CSMD1: variants seen among roughly 807,000 people sequenced by gnomAD.
CSMD1 encodes CUB and sushi domain-containing protein 1.
A neutral mutation model predicts 417.5 loss-of-function variants in CSMD1; 213 were observed. The ratio of observed to expected loss-of-function variants is 0.51; its 90% CI spans 0.46 to 0.57. The LOEUF (loss-of-function observed/expected upper bound fraction) is 0.57. Among genes scored for constraint, CSMD1 ranks in the 20% least tolerant of loss-of-function variants. CSMD1 has a pLI of 0.00. For synonymous variants in CSMD1, 2,862 were observed against 1,736.8 expected (o/e 1.65, Z -16.11); for missense variants, 6,923 against 4,529.7 (o/e 1.53, Z -15.17).
At chr8:3,698,767 G>A (rs1019235690) in intron 7 of CSMD1, among the ~76,000 whole-genome samples, 1 of 152,200 alleles carries the variant, frequency 6.6e-6, no homozygotes, top group African/African-American at 2.4e-5. Flanking sequence ...TTATCCATAT[G>A]CGGACTAATA....
At chr8:4,140,266 G>A (rs1803704781) in intron 3 of CSMD1, among the ~76,000 whole-genome samples, 1 of 150,928 alleles carries the variant, frequency 6.6e-6, no homozygotes, top group Admixed American at 6.6e-5. Flanking sequence ...GGAAGCTAAG[G>A]CGGGTGGATC....
intron 2 of CSMD1, among the ~76,000 whole-genome samples, chr8:4,423,867 A>G (rs972328617): frequency 7.9e-5 from 12 of 152,098 alleles, no homozygotes; most frequent in Non-Finnish European, 1.2e-4. Flanking sequence ...TGGCAAAGAC[A>G]TAAACCCGTA....
intron 2 of CSMD1, among the ~76,000 whole-genome samples, chr8:4,613,746 C>A (rs529537453): frequency 1.6e-4 from 24 of 151,444 alleles, no homozygotes; most frequent in African/African-American, 5.6e-4. Flanking sequence ...TAATTTGGAT[C>A]TTTAACAAAC....
At chr8:4,633,180 G>A (rs774701369) in intron 2 of CSMD1, among the ~76,000 whole-genome samples, 1 of 136,554 alleles carries the variant, frequency 7.3e-6, no homozygotes, top group Non-Finnish European at 1.6e-5. Context: ...AGCCTTCGTA[G>A]GAACATTTAC....
intron 20 of CSMD1, among the ~76,000 whole-genome samples, chr8:3,359,606 G>A (rs1809023180): frequency 1.3e-5 from 2 of 151,478 alleles, no homozygotes; most frequent in Non-Finnish European, 1.5e-5. Context: ...GGGGGTGTAT[G>A]GAGGGAAGGA....
chr8:3,804,690 G>C (rs770425444), intron 5 of CSMD1, among the ~76,000 whole-genome samples: 12 of 152,260 alleles, frequency 7.9e-5, no homozygotes, highest in African/African-American at 2.9e-4. Context: ...ATGTGAGTAG[G>C]AAGAAAAATG....
chr8:3,785,727 A>G (rs1264426248), intron 5 of CSMD1, among the ~76,000 whole-genome samples: 1 of 152,108 alleles, frequency 6.6e-6, no homozygotes, highest in East Asian at 1.9e-4. Flanking sequence ...TGAGAGGCCC[A>G]GGGTGCGGGG....
intron 3 of CSMD1, among the ~76,000 whole-genome samples, chr8:4,196,722 T>C (rs1365456744): frequency 6.6e-6 from 1 of 152,108 alleles, no homozygotes; most frequent in Non-Finnish European, 1.5e-5. Context: ...TCCACCAGGG[T>C]AATTAGGATG....
chr8:3,843,092 T>C (rs138612023), intron 5 of CSMD1, among the ~76,000 whole-genome samples: 17 of 152,282 alleles, frequency 1.1e-4, no homozygotes, highest in South Asian at 4.1e-4. Context: ...CGTTTTCTCT[T>C]TTTATTTATT....
intron 62 of CSMD1, among the ~76,000 whole-genome samples, chr8:2,959,454 A>C (rs530558599): frequency 6.6e-6 from 1 of 152,332 alleles, no homozygotes; most frequent in South Asian, 2.1e-4. Flanking sequence ...GCATGTTTGC[A>C]ATTCCAACCA....
intron 23 of CSMD1, among the ~76,000 whole-genome samples, chr8:3,319,958 C>A (rs1185827428): frequency 6.6e-6 from 1 of 152,042 alleles, no homozygotes; most frequent in Non-Finnish European, 1.5e-5. Context: ...TTATTGTTAT[C>A]ACCTTAGACT....
chr8:4,905,613 A>T (rs1274041885), intron 1 of CSMD1, among the ~76,000 whole-genome samples: 2 of 151,760 alleles, frequency 1.3e-5, no homozygotes, highest in Non-Finnish European at 2.9e-5. Context: ...AGGTCATGAG[A>T]TCGAGGCCAT....
chr8:3,292,145 G>C (rs1457846812), intron 25 of CSMD1, among the ~76,000 whole-genome samples: 3 of 152,166 alleles, frequency 2.0e-5, no homozygotes, highest in Non-Finnish European at 4.4e-5. Flanking sequence ...TGTTGAATGA[G>C]TTTCTTTATC....
Position 3,151,427 on chromosome 8 carries a change from T to C in CSMD1, c.6001A>G (p.Thr2001Ala), listed in dbSNP as rs1324741514. The C allele has an allele frequency of 1.9e-6, 3 of 1,613,482 alleles. No individual in the cohort carries two copies. Among genetic ancestry groups the C allele is most frequent in the Non-Finnish European group, 2.5e-6 (3 of 1,179,572 alleles). The change falls in exon 40 of 70, where the codon ACC becomes GCC. Residue 2001 changes from threonine to alanine, a missense_variant. Thr to Ala is a moderately conservative substitution (Grantham distance 58). Coordinates refer to ENST00000635120, the MANE Select transcript of CSMD1 (RefSeq NM_033225.6). ...CCGATGGGTAATGAGATCCTCCAGG[T>C]GCAGTCTAAGTTGTTGGGGTAAGAA... is the stretch of plus-strand genomic sequence containing the variant. The part of the protein sequence containing the change: ...PGSYPNNLDC[T>A]WRISLPIGYG...
At chr8:3,970,190 G>C (rs1367958623) in intron 5 of CSMD1, among the ~76,000 whole-genome samples, 2 of 142,036 alleles carry the variant, frequency 1.4e-5, no homozygotes, top group African/African-American at 2.5e-5. Flanking sequence ...TCTTGAACAA[G>C]GGACTTTCTT....
intron 5 of CSMD1, among the ~76,000 whole-genome samples, chr8:3,912,935 C>T (rs1166728095): frequency 6.6e-6 from 1 of 152,088 alleles, no homozygotes; most frequent in East Asian, 1.9e-4. Flanking sequence ...GGTAAGAGAA[C>T]ACAGGGTGTG....
At chr8:4,758,682 A>G (rs1305954591) in intron 1 of CSMD1, among the ~76,000 whole-genome samples, 3 of 152,192 alleles carry the variant, frequency 2.0e-5, no homozygotes, top group African/African-American at 7.2e-5. Context: ...AATAGTGGAC[A>G]CATCTTACAT....
intron 3 of CSMD1, among the ~76,000 whole-genome samples, chr8:4,324,680 A>G (rs73660746): frequency 0.038 from 5,843 of 152,280 alleles, 353 homozygotes; most frequent in African/African-American, 0.13. Flanking sequence ...CAGAGGATAT[A>G]AGGGCAAAAT....
intron 3 of CSMD1, among the ~76,000 whole-genome samples, chr8:4,296,920 G>C (rs1797719033): frequency 6.6e-6 from 1 of 152,066 alleles, no homozygotes; most frequent in Non-Finnish European, 1.5e-5. Flanking sequence ...TCCTGTGCAT[G>C]AGTGATGGAC....
Sources: gnomAD v4.1 joint callset for allele counts (sites outside exome capture counted in the v4.1 genomes callset) on GRCh38, gnomAD v4.1.1 for gene constraint, MANE v1.5 for transcripts, NCBI Gene and HGNC (gene_info 2026-07-23, HGNC 2026-07-21) for gene names.